The following VARS1 variants were observed in gnomAD, a reference collection of about 807,000 sequenced individuals.
VARS1 encodes valyl-tRNA synthetase 1, also known as valine--tRNA ligase.
In VARS1, 92 loss-of-function variants were observed where a neutral mutation model predicts 161.0. The ratio of observed to expected loss-of-function variants is 0.57; its 90% CI spans 0.48 to 0.68. The LOEUF is 0.68. Among genes scored for constraint, VARS1 ranks in the 30% least tolerant of loss-of-function variants. The pLI is 0.00. For synonymous variants in VARS1, 595 were observed against 682.5 expected (o/e 0.87, Z 2.00); for missense variants, 1,338 against 1,695.9 (o/e 0.79, Z 3.71).
In VARS1 at chr6:31,779,017, C is replaced by T. The variant is rs563920745; in HGVS notation, c.3676G>A (p.Gly1226Ser). The T allele has an allele frequency of 1.2e-6, 2 of 1,613,052 alleles. No homozygotes were observed. The highest frequency in any genetic ancestry group is 2.2e-5 in the East Asian group (1 of 44,892). The change falls in exon 29 of 30, where the codon GGC becomes AGC. Residue 1226 changes from glycine to serine, a missense_variant. This residue lies in a region of VARS1 where 433 missense variants were observed against 586.2 expected (regional missense o/e 0.74). Coordinates refer to ENST00000375663, the MANE Select transcript of VARS1 (RefSeq NM_006295.3). The surrounding 1 kb of genome is among the most constrained non-coding windows in gnomAD (Gnocchi z 9.1). ...TCGAGCGGCACCTTGACAGGATAGC[C>T]CGAGGCAGCACGGCGTTCCCGCAGA... is the stretch of plus-strand genomic sequence containing the variant. ...QRLRERRAAS[G>S]YPVKVPLEVQ... is the part of the protein sequence containing the mutation.
At chr6:31,788,130 A>C (rs1813623817) in intron 8 of VARS1, among the ~76,000 whole-genome samples, 1 of 151,974 alleles carries the variant, frequency 6.6e-6, no homozygotes, top group African/African-American at 2.4e-5. Context: ...CAAAGAAAAA[A>C]AAAAAATTGA....
chr6:31,782,428 C>A lies in VARS1; in HGVS notation c.2007G>T (p.Val669=). 1.2e-6 allele frequency: 2 copies of A among 1,612,266 alleles called. No homozygotes were observed. Among genetic ancestry groups the A allele is most frequent in the Non-Finnish European group, 1.7e-6 (2 of 1,179,642 alleles). Reference sequence around the variant, plus strand: ...ACTGCGGCCGCAGCAGAGGCTCTACCACGTCCTTCGACCGGCTGGGGGTAC... The same window carrying A: ...ACTGCGGCCGCAGCAGAGGCTCTACAACGTCCTTCGACCGGCTGGGGGTAC... ...VVPLCNRSKD[V]VEPLLRPQWY... is the part of the protein sequence containing the mutation. Residue 669 remains valine, a synonymous_variant, in exon 17 of 30, where the codon GTG becomes GTT. Transcript: ENST00000375663. This position sits in a 1 kb window ranked among gnomAD's most constrained non-coding sequence, Gnocchi z 8.3.
At position 31,779,841 on chromosome 6, in the gene VARS1, C is replaced by A. The variant is rs781002828; in HGVS notation, c.3082-27G>T. On this transcript the variant is annotated intron_variant, in intron 26 of 29. Coordinates refer to ENST00000375663, the MANE Select transcript of VARS1 (RefSeq NM_006295.3). This position sits in a 1 kb window ranked among gnomAD's most constrained non-coding sequence, Gnocchi z 9.1. ...TAGGGGACGAGAGGTACAGGGCTCA[C>A]GGCTGGAGGTCTAGCCTTGAGCCCT... The A allele has an allele frequency of 1.9e-6, 3 of 1,610,862 alleles. No homozygotes were observed. The highest frequency in any genetic ancestry group is 2.7e-5 in the African/African-American group (2 of 74,834).
chr6:31,779,352 C>T lies in VARS1; in HGVS notation c.3401-60G>A, dbSNP rs575153868. 9 of 1,601,932 alleles carry T rather than the reference C, an allele frequency of 5.6e-6. No individual in the cohort carries two copies. The African/African-American group carries it at 9.3e-5, about 17-fold the overall frequency. On this transcript the variant is annotated intron_variant, in intron 28 of 29. Transcript: ENST00000375663. This position sits in a 1 kb window ranked among gnomAD's most constrained non-coding sequence, Gnocchi z 9.1. ...ATGGAGACAGGAAACCAAGCAGTCA[C>T]TGCCGGACACTGGGTCCCAGAGTAG...
Position 31,784,681 on chromosome 6 carries a change from G to A in VARS1, c.1381C>T (p.Arg461Trp), listed in dbSNP as rs765120904. ...TAGATGATGCCTTCCTCGTGAAGCC[G>A]GACAAAGGCCTCTGTCACAGCTGCT... ...LSAAVTEAFV[R>W]LHEEGIIYRS... is the part of the protein sequence containing the mutation. Residue 461 changes from arginine (R) to tryptophan (W), a missense_variant, in exon 11 of 30, where the codon CGG (arginine) becomes TGG (tryptophan). By Grantham distance (101) the Arg-to-Trp change is moderately radical. Coordinates refer to ENST00000375663, the MANE Select transcript of VARS1 (RefSeq NM_006295.3). This position sits in a 1 kb window ranked among gnomAD's most constrained non-coding sequence, Gnocchi z 6.1. 46 of 1,612,874 alleles carry A rather than the reference G, an allele frequency of 2.9e-5. No homozygotes were observed. Among genetic ancestry groups the A allele is most frequent in the South Asian group, 3.3e-5 (3 of 91,082 alleles).
In VARS1 at chr6:31,785,774, G is replaced by A. The variant is rs1373405180; in HGVS notation, c.1101-41C>T. 2.6e-6 allele frequency: 4 copies of A among 1,565,362 alleles called. No individual in the cohort carries two copies. In the African/African-American group the frequency reaches 5.5e-5, roughly 21 times the overall value. ...GAGGACCAGAGGGTGAGCCAGGCCA[G>A]TGGGGCCTGGCACCAAAGAAAGCAG... On this transcript the variant is annotated intron_variant, in intron 8 of 29. Transcript: ENST00000375663. This position sits in a 1 kb window ranked among gnomAD's most constrained non-coding sequence, Gnocchi z 6.1.
At position 31,785,169 on chromosome 6, in the gene VARS1, C is replaced by A. The variant is rs1414675994; in HGVS notation, c.1347+77G>T. ...AGCTCCTGAGAGAGGGCCACAACAC[C>A]TCTGCTTTCTCCTGTGGGGGTCCCA... On this transcript the variant is annotated intron_variant, in intron 10 of 29. Transcript: ENST00000375663. The surrounding 1 kb of genome is among the most constrained non-coding windows in gnomAD (Gnocchi z 6.1). 5.1e-6 allele frequency: 8 copies of A among 1,569,566 alleles called. No individual in the cohort carries two copies. The Admixed American group carries it at 1.3e-4, about 26-fold the overall frequency.
In VARS1 at chr6:31,781,433, TAGG is replaced by T. The variant is rs1263463547; in HGVS notation, c.2544+45_2544+47del. ...GGGTCTGCGCTGCAGCACAGGACGG[TAGG>T]AGAGGAGGCTGGGGGCGATGGGAGG... is the stretch of plus-strand genomic sequence containing the variant. On this transcript the variant is annotated intron_variant, in intron 21 of 29. Transcript: ENST00000375663. This position sits in a 1 kb window ranked among gnomAD's most constrained non-coding sequence, Gnocchi z 6.8. 1 of 1,600,964 alleles carries T rather than the reference TAGG, an allele frequency of 6.2e-7. No individual in the cohort carries two copies. Among genetic ancestry groups the T allele is most frequent in the African/African-American group, 1.3e-5 (1 of 74,678 alleles).
chr6:31,781,913 C>T lies in VARS1; in HGVS notation c.2281G>A (p.Ala761Thr), dbSNP rs748132817. The T allele has an allele frequency of 1.2e-6, 2 of 1,612,974 alleles. No individual in the cohort carries two copies. The highest frequency in any genetic ancestry group is 4.5e-5 in the East Asian group (2 of 44,884). Reference protein sequence around the residue: ...GRYWVSGRNEAEAREKAAKEF... With the variant: ...GRYWVSGRNETEAREKAAKEF... ...TTGGCTGCCTTCTCCCGGGCCTCCG[C>T]CTCATTGCGTCCACTCACCCAGTAC... Residue 761 changes from alanine (A) to threonine (T), a missense_variant, in exon 19 of 30, where the codon GCG becomes ACG. Ala to Thr is a moderately conservative substitution (Grantham distance 58, BLOSUM62 0). This residue lies in a region of VARS1 where 902 missense variants were observed against 1,090.3 expected (regional missense o/e 0.83). Transcript: ENST00000375663. This position sits in a 1 kb window ranked among gnomAD's most constrained non-coding sequence, Gnocchi z 6.8.
rs370990982 is a variant in VARS1 at position 31,782,308 on chromosome 6, C to T, written c.2127G>A (p.Trp709Ter). 9 of 1,612,796 alleles carry T rather than the reference C, an allele frequency of 5.6e-6. No individual in the cohort carries two copies. The highest frequency in any genetic ancestry group is 7.6e-6 in the Non-Finnish European group (9 of 1,179,922). ...RILPEAHQRTWHAWMDNIREW... is the reference protein window; with the variant it reads ...RILPEAHQRT ...ACCGGATGTTGTCCATCCAGGCATG[C>T]CATGTGCGCTGATGGGCCTCAGGCA... The change falls in exon 17 of 30, where the codon TGG becomes TGA. Residue 709 changes from tryptophan to a stop codon, truncating the protein, a stop_gained. Coordinates refer to ENST00000375663, the MANE Select transcript of VARS1 (RefSeq NM_006295.3). LOFTEE classifies it high-confidence loss of function. The surrounding 1 kb of genome is among the most constrained non-coding windows in gnomAD (Gnocchi z 8.3).
chr6:31,780,615 C>T lies in VARS1; in HGVS notation c.2798-47G>A. ...AGTCCTCATCACCCTCTTCCCAGCC[C>T]ATGCCCACCAGAGGCTCAGGGTGGA... On this transcript the variant is annotated intron_variant, in intron 24 of 29. Transcript: ENST00000375663. This position sits in a 1 kb window ranked among gnomAD's most constrained non-coding sequence, Gnocchi z 5.1. 6.2e-7 allele frequency: 1 copy of T among 1,611,034 alleles called. No homozygotes were observed. Among genetic ancestry groups the T allele is most frequent in the Non-Finnish European group, 8.5e-7 (1 of 1,177,728 alleles).
rs1157300276 is a variant in VARS1, at chr6:31,779,581, G to C, written c.3288+27C>G. ...GTGAGGGGGCCTGGAGGGCAGGTCAGACTCCCCTCTCCAGGCCATGCCATA... is the reference window on the plus strand; with the variant it reads ...GTGAGGGGGCCTGGAGGGCAGGTCACACTCCCCTCTCCAGGCCATGCCATA... On this transcript the variant is annotated intron_variant, in intron 27 of 29. Coordinates refer to ENST00000375663, the MANE Select transcript of VARS1 (RefSeq NM_006295.3). The surrounding 1 kb of genome is among the most constrained non-coding windows in gnomAD (Gnocchi z 9.1). 1.2e-6 allele frequency: 2 copies of C among 1,611,436 alleles called. No individual in the cohort carries two copies. Among genetic ancestry groups the C allele is most frequent in the East Asian group, 2.2e-5 (1 of 44,844 alleles).
Position 31,779,233 on chromosome 6 carries a change from C to G in VARS1, c.3460G>C (p.Val1154Leu), listed in dbSNP as rs548042700. The G allele has an allele frequency of 4.7e-5, 76 of 1,606,070 alleles. No individual in the cohort carries two copies. The African/African-American group carries it at 8.7e-4, about 18-fold the overall frequency. Residue 1154 changes from valine (V) to leucine (L), a missense_variant, in exon 29 of 30, where the codon GTG becomes CTG. Physicochemically the swap from Val to Leu is conservative, Grantham distance 32. Around this residue, in one of 3 missense-constraint regions of VARS1, gnomAD observed 433 missense variants for 586.2 expected, o/e 0.74. Coordinates refer to ENST00000375663, the MANE Select transcript of VARS1 (RefSeq NM_006295.3). This position sits in a 1 kb window ranked among gnomAD's most constrained non-coding sequence, Gnocchi z 9.1. ...GALASAVSGY[V>L]QALASAGVVA... is the part of the protein sequence containing the mutation. ...ACACCTGCGCTGGCCAGGGCCTGCA[C>G]GTAGCCCGACACCGCCGATGCCAGG...
At position 31,778,807 on chromosome 6, in the gene VARS1, G is replaced by A. The variant is rs1056375602; in HGVS notation, c.3726+160C>T. The A allele has an allele frequency of 7.0e-6, 7 of 1,002,068 alleles. No homozygotes were observed. The Admixed American group carries it at 1.6e-4, about 23-fold the overall frequency. The allele number at this position is 1,002,068 out of a possible 1,614,324, so 62.1% of individuals were successfully genotyped here. A position where few individuals can be genotyped will look rare whatever the true frequency, so the allele number is the denominator to read the frequency against. On this transcript the variant is annotated intron_variant, in intron 29 of 29. Transcript: ENST00000375663. The surrounding 1 kb of genome is among the most constrained non-coding windows in gnomAD (Gnocchi z 5.1). Reference sequence around the variant, plus strand: ...CAGGTGTGAGCCACTGAGCCAGGCTGTTTTGTTTTTTAAGGCTAGTGGGAG... The same window carrying A: ...CAGGTGTGAGCCACTGAGCCAGGCTATTTTGTTTTTTAAGGCTAGTGGGAG...
intron 8 of VARS1, among the ~76,000 whole-genome samples, chr6:31,786,981 T>C (rs1813549643): frequency 6.6e-6 from 1 of 151,454 alleles, no homozygotes; most frequent in Non-Finnish European, 1.5e-5. Context: ...ACCCCAACAC[T>C]TTGGGAGGCC....
rs376508800 is a variant in VARS1 at position 31,792,523 on chromosome 6, A to G, written c.662-7T>C. On this transcript the variant is annotated splice_polypyrimidine_tract_variant and splice_region_variant and intron_variant, in intron 4 of 29. Coordinates refer to ENST00000375663, the MANE Select transcript of VARS1 (RefSeq NM_006295.3). ...AGGGCAGGAGCCTCGGGGCCTAGAGAGAGGTGCAGAAATTCAGACTCAGCC... is the reference window on the plus strand; with the variant it reads ...AGGGCAGGAGCCTCGGGGCCTAGAGGGAGGTGCAGAAATTCAGACTCAGCC... The G allele has an allele frequency of 1.2e-6, 2 of 1,613,490 alleles. No individual in the cohort carries two copies. Among genetic ancestry groups the G allele is most frequent in the Non-Finnish European group, 8.5e-7 (1 of 1,179,954 alleles).
chr6:31,783,220 C>T (rs780885524), intron 13 of VARS1, 34 bp from the exon 14 acceptor site: 33 of 1,601,658 alleles, frequency 2.1e-5, no homozygotes. Context: ...ACGCATGAAG[C>T]AGGGCCAGAC....
chr6:31,780,174 C>A lies in VARS1; in HGVS notation c.2926-21G>T. 6.2e-7 allele frequency: 1 copy of A among 1,611,858 alleles called. No homozygotes were observed. Among genetic ancestry groups the A allele is most frequent in the Non-Finnish European group, 8.5e-7 (1 of 1,179,662 alleles). ...CCGGGCTTGGGGAGAGAGGGTGTAT[C>A]AGCCGGCGGGCCAGGGGAGGGTGCC... On this transcript the variant is annotated intron_variant, in intron 25 of 29. Coordinates refer to ENST00000375663, the MANE Select transcript of VARS1 (RefSeq NM_006295.3). This position sits in a 1 kb window ranked among gnomAD's most constrained non-coding sequence, Gnocchi z 5.1.
At position 31,780,094 on chromosome 6, in the gene VARS1, C is replaced by A; in HGVS notation, c.2985G>T (p.Val995=). 1 of 1,614,130 alleles carries A rather than the reference C, an allele frequency of 6.2e-7. No homozygotes were observed. Among genetic ancestry groups the A allele is most frequent in the Admixed American group, 1.7e-5 (1 of 60,026 alleles). ...RWIRSRLTEA[V]RLSNQGFQAY... ...CCTGGAAGCCTTGATTGCTGAGCCT[C>A]ACAGCCTCTGTCAGGCGGCTGCGGA... The change falls in exon 26 of 30, where the codon GTG becomes GTT. Residue 995 remains valine, a synonymous_variant. Coordinates refer to ENST00000375663, the MANE Select transcript of VARS1 (RefSeq NM_006295.3). The surrounding 1 kb of genome is among the most constrained non-coding windows in gnomAD (Gnocchi z 5.1).
Sources: allele counts gnomAD v4.1 joint callset (sites outside exome capture counted in the v4.1 genomes callset), GRCh38; gene constraint gnomAD v4.1.1; regional missense constraint gnomAD v4.1.1; non-coding constraint Gnocchi (gnomAD v3.1); transcripts MANE v1.5; gene names NCBI Gene and HGNC (gene_info 2026-07-23, HGNC 2026-07-21).